SPTY2D1: variants seen among roughly 807,000 people sequenced by gnomAD.
SPTY2D1 encodes the protein protein SPT2 homolog.
SPTY2D1 carries 21 observed loss-of-function variants against 64.0 expected under a neutral mutation model. That is an observed-to-expected ratio of 0.33 (90% CI 0.23 to 0.47). The LOEUF (loss-of-function observed/expected upper bound fraction) is 0.47. Among genes scored for constraint, SPTY2D1 ranks in the 20% least tolerant of loss-of-function variants. The pLI, the probability that SPTY2D1 is intolerant of heterozygous loss-of-function variation, is 1.00. For synonymous variants in SPTY2D1, 287 were observed against 286.8 expected, an observed-to-expected ratio of 1.00 and a Z score of -0.01; for missense variants, 724 against 837.2, an observed-to-expected ratio of 0.86 and a Z score of 1.67.
intron 1 of SPTY2D1, among the ~76,000 whole-genome samples, chr11:18,630,805 TC>T (rs1854574956): frequency 6.6e-6 from 1 of 152,122 alleles, no homozygotes; most frequent in Non-Finnish European, 1.5e-5. Flanking sequence ...GATGTAGCTG[TC>T]TTTTTTTATT....
At chr11:18,621,323 C>CAGAAA (rs55880127) in intron 1 of SPTY2D1, among the ~76,000 whole-genome samples, 8,341 of 137,436 alleles carry the variant, frequency 0.061, 347 homozygotes, top group African/African-American at 0.091. Flanking sequence ...TCTCAAAAAA[C>CAGAAA]AGAAAAGAAA....
intron 3 of SPTY2D1, 86 bp downstream of exon 3, chr11:18,614,477 G>T (rs1318833016): frequency 6.3e-6 from 8 of 1,262,230 alleles, no homozygotes; most frequent in Non-Finnish European, 8.9e-6. Context: ...GCACATGAGG[G>T]GTTCAAAGGG....
At chr11:18,622,151 ATAT>A (rs1854421427) in intron 1 of SPTY2D1, among the ~76,000 whole-genome samples, 1 of 151,544 alleles carries the variant, frequency 6.6e-6, no homozygotes, top group African/African-American at 2.4e-5. Flanking sequence ...TACCAATAAG[ATAT>A]TAAAACACTC....
chr11:18,624,334 G>A (rs1854463376), intron 1 of SPTY2D1, among the ~76,000 whole-genome samples: 1 of 152,150 alleles, frequency 6.6e-6, no homozygotes. Flanking sequence ...ACATCAGGAT[G>A]CATCCATCAA....
rs558872501 is a variant in SPTY2D1, at chr11:18,615,030, G to C, written c.1244C>G (p.Ser415Cys). 39 of 1,614,014 alleles carry C rather than the reference G, an allele frequency of 2.4e-5. No homozygotes were observed. In the South Asian group the frequency reaches 4.0e-4, roughly 16 times the overall value. The change falls in exon 3 of 6, where the codon TCC becomes TGC. Residue 415 changes from serine to cysteine, a missense_variant. By Grantham distance (112) the Ser-to-Cys change is moderately radical (BLOSUM62 -1). Transcript: ENST00000336349. Reference protein sequence around the residue: ...SSGPERSISGSKKPTNDSNPS... With the variant: ...SSGPERSISGCKKPTNDSNPS... Reference sequence around the variant, plus strand: ...ATTTGAGTCATTGGTTGGCTTCTTGGACCCACTGATTGATCGCTCAGGTCC... The same window carrying C: ...ATTTGAGTCATTGGTTGGCTTCTTGCACCCACTGATTGATCGCTCAGGTCC...
At chr11:18,624,909 G>A (rs1373665418) in intron 1 of SPTY2D1, among the ~76,000 whole-genome samples, 8 of 152,176 alleles carry the variant, frequency 5.3e-5, no homozygotes, top group Non-Finnish European at 4.4e-5. Context: ...TGAGGCAGGA[G>A]AATTGCTTGA....
At chr11:18,611,192 C>A (rs1854200631) in intron 5 of SPTY2D1, among the ~76,000 whole-genome samples, 1 of 152,102 alleles carries the variant, frequency 6.6e-6, no homozygotes, top group Admixed American at 6.6e-5. Flanking sequence ...CCTGTAATCC[C>A]AGCACTTTGG....
intron 1 of SPTY2D1, among the ~76,000 whole-genome samples, chr11:18,632,589 T>A (rs1353259463): frequency 2.0e-5 from 3 of 152,194 alleles, no homozygotes; most frequent in Non-Finnish European, 2.9e-5. Flanking sequence ...CTTCAGGTGA[T>A]TCTCCCGCCT....
At position 18,609,498 on chromosome 11, in the gene SPTY2D1, C is replaced by T. The variant is rs1042965433; in HGVS notation, c.*363G>A. 3 of 206,740 alleles carry T rather than the reference C, an allele frequency of 1.5e-5. No homozygotes were observed. The highest frequency in any genetic ancestry group is 1.1e-4 in the Admixed American group (2 of 18,796). 12.8% of individuals were successfully genotyped at this position (206,740 alleles called of 1,614,324 possible). On this transcript the variant is annotated 3_prime_UTR_variant, in exon 6 of 6. Transcript: ENST00000336349. ...TACTCACAGATCAGCAGAAGAATTA[C>T]AGAAATCAAGAGACAACCTTTTTTT...
intron 1 of SPTY2D1, among the ~76,000 whole-genome samples, chr11:18,621,232 G>C (rs1340431383): frequency 2.0e-5 from 3 of 149,834 alleles, no homozygotes; most frequent in Admixed American, 2.0e-4. Context: ...GAGGTGAAGG[G>C]TTGCAGTGAG....
chr11:18,613,071 T>C (rs1854233750), intron 3 of SPTY2D1, among the ~76,000 whole-genome samples: 1 of 152,236 alleles, frequency 6.6e-6, no homozygotes, highest in African/African-American at 2.4e-5. Context: ...CCAAAATCAG[T>C]AAAATTTCTA....
chr11:18,618,282 A>C (rs1475473825), intron 1 of SPTY2D1, among the ~76,000 whole-genome samples: 4 of 152,198 alleles, frequency 2.6e-5, no homozygotes, highest in African/African-American at 9.6e-5. Context: ...ATGTTCACTA[A>C]ATGTTAATTT....
In SPTY2D1 at chr11:18,614,845, G is replaced by A. The variant is rs1399728869; in HGVS notation, c.1429C>T (p.Arg477Ter). The A allele has an allele frequency of 3.7e-6, 6 of 1,613,488 alleles. No individual in the cohort carries two copies. The highest frequency in any genetic ancestry group is 1.3e-5 in the African/African-American group (1 of 74,946). Residue 477 changes from arginine to a stop codon, truncating the protein, a stop_gained, in exon 3 of 6, where the codon CGA (arginine) becomes TGA (stop). Coordinates refer to ENST00000336349, the MANE Select transcript of SPTY2D1 (RefSeq NM_194285.3). LOFTEE classifies it high-confidence loss of function. ...RPVSSPHELR[R>*]PVSGLGPPGR... ...GGGGGGCCCAAGCCACTCACTGGTC[G>A]TCGAAGTTCATGTGGACTGCTCACA...
At position 18,607,160 on chromosome 11, in the gene SPTY2D1, G is replaced by A. The variant is rs1854122697; in HGVS notation, c.*2701C>T. On this transcript the variant is annotated 3_prime_UTR_variant, in exon 6 of 6. Transcript: ENST00000336349. Reference sequence around the variant, plus strand: ...TTACAGGCTTGAGCCACCATGCCCGGCCAGACTTACTTTTTTGTTAACGGT... The same window carrying A: ...TTACAGGCTTGAGCCACCATGCCCGACCAGACTTACTTTTTTGTTAACGGT... 1 of 164,380 alleles carries A rather than the reference G, an allele frequency of 6.1e-6. No individual in the cohort carries two copies. Among genetic ancestry groups the A allele is most frequent in the South Asian group, 1.6e-4 (1 of 6,278 alleles). 10.2% of individuals were successfully genotyped at this position (164,380 alleles called of 1,614,324 possible).
intron 1 of SPTY2D1, among the ~76,000 whole-genome samples, chr11:18,629,299 G>C (rs1854548158): frequency 6.9e-6 from 1 of 144,588 alleles, no homozygotes; most frequent in South Asian, 2.3e-4. Flanking sequence ...CCAGGAGTTC[G>C]AGACCAGCCT....
chr11:18,631,728 G>C (rs764438567), intron 1 of SPTY2D1, among the ~76,000 whole-genome samples: 8 of 151,914 alleles, frequency 5.3e-5, no homozygotes, highest in South Asian at 4.1e-4. Flanking sequence ...TGCTAAATAC[G>C]GGGTTTGGGT....
Position 18,615,676 on chromosome 11 carries a change from C to T in SPTY2D1, c.598G>A (p.Glu200Lys), listed in dbSNP as rs1854287783. ...AGGAATTCTCGCTCCCTAAGTTCTTCTGCGGTCATAGGTCGCTCTTCTGAT... is the reference window on the plus strand; with the variant it reads ...AGGAATTCTCGCTCCCTAAGTTCTTTTGCGGTCATAGGTCGCTCTTCTGAT... The part of the protein sequence containing the change: ...KKSEERPMTA[E>K]ELREREFLER... The change falls in exon 3 of 6, where the codon GAA becomes AAA. Residue 200 changes from glutamate (E) to lysine (K), a missense_variant. By Grantham distance (56) the Glu-to-Lys change is moderately conservative. This residue lies in a region of SPTY2D1 where 179 missense variants were observed against 232.5 expected (regional missense o/e 0.77). Coordinates refer to ENST00000336349, the MANE Select transcript of SPTY2D1 (RefSeq NM_194285.3). 6.2e-7 allele frequency: 1 copy of T among 1,614,190 alleles called. No individual in the cohort carries two copies. The highest frequency in any genetic ancestry group is 1.3e-5 in the African/African-American group (1 of 75,040).
intron 1 of SPTY2D1, among the ~76,000 whole-genome samples, chr11:18,625,588 T>G (rs1854482336): frequency 6.6e-6 from 1 of 151,928 alleles, no homozygotes; most frequent in East Asian, 1.9e-4. Flanking sequence ...GGGTCTTGCT[T>G]GATTTGTCAC....
Position 18,609,864 on chromosome 11 carries a change from A to G in SPTY2D1, c.2055T>C (p.Arg685=). The change falls in exon 6 of 6, where the codon CGT becomes CGC. Residue 685 remains arginine (R), a synonymous_variant. Coordinates refer to ENST00000336349, the MANE Select transcript of SPTY2D1 (RefSeq NM_194285.3). ...TTCACAAAAATAAAAGCAGCAGCTA[A>G]CGCCTCTTCAGCTTCTTGGCCCTTC... ...QRRRAKKLKR[R] is the part of the protein sequence containing the mutation. 1 of 1,614,044 alleles carries G rather than the reference A, an allele frequency of 6.2e-7. No individual in the cohort carries two copies. Among genetic ancestry groups the G allele is most frequent in the Non-Finnish European group, 8.5e-7 (1 of 1,179,994 alleles).
Sources: allele counts gnomAD v4.1 joint callset (sites outside exome capture counted in the v4.1 genomes callset), GRCh38; gene constraint gnomAD v4.1.1; regional missense constraint gnomAD v4.1.1; transcripts MANE v1.5; gene names NCBI Gene and HGNC (gene_info 2026-07-23, HGNC 2026-07-21).